The following LMF1 variants were observed in gnomAD, a reference collection of about 807,000 sequenced individuals.
The protein encoded by LMF1 is lipase maturation factor 1.
A neutral mutation model predicts 60.6 loss-of-function variants in LMF1; 68 were observed. The observed-to-expected ratio is 1.12, with a 90% CI of 0.92 to 1.37. LMF1 has a LOEUF of 1.37. Among genes scored for constraint, LMF1 ranks in the 40% most tolerant of loss-of-function variants. The pLI, the probability that LMF1 is intolerant of heterozygous loss-of-function variation, is 0.00. For missense variants in LMF1, 948 were observed against 767.2 expected, an observed-to-expected ratio of 1.24 and a Z score of -2.78; for synonymous variants, 418 against 324.7, an observed-to-expected ratio of 1.29 and a Z score of -3.09.
At chr16:894,983 C>G (rs529312275) in intron 4 of LMF1, among the ~76,000 whole-genome samples, 31 of 152,170 alleles carry the variant, frequency 2.0e-4, no homozygotes, top group Non-Finnish European at 4.3e-4. Context: ...GGGATGGCCA[C>G]GAGGGAGGAA....
At chr16:891,208 G>A (rs1265785203) in intron 5 of LMF1, among the ~76,000 whole-genome samples, 1 of 152,094 alleles carries the variant, frequency 6.6e-6, no homozygotes, top group Non-Finnish European at 1.5e-5. Context: ...CTGCGTCCTC[G>A]CCGGAGTGCA....
intron 4 of LMF1, among the ~76,000 whole-genome samples, chr16:909,215 G>A (rs1002634916): frequency 4.6e-5 from 7 of 152,168 alleles, no homozygotes; most frequent in African/African-American, 7.2e-5. Context: ...AAGGGCTGGC[G>A]CAAGGTGAGA....
At chr16:892,857 G>A (rs1489025148) in intron 5 of LMF1, 150 bp downstream of exon 5, 24 of 605,258 alleles carry the variant, frequency 4.0e-5, no homozygotes, top group African/African-American at 5.6e-5. Flanking sequence ...CACCCACCCC[G>A]TGAAGGGAGG....
At chr16:922,868 G>A (rs542513426) in intron 3 of LMF1, among the ~76,000 whole-genome samples, 2 of 122,060 alleles carry the variant, frequency 1.6e-5, no homozygotes, top group East Asian at 4.6e-4. Context: ...CGGGTGTGAT[G>A]TGGTGTTGGT....
At chr16:889,519 T>C (rs2070415346) in intron 5 of LMF1, among the ~76,000 whole-genome samples, 2 of 152,128 alleles carry the variant, frequency 1.3e-5, no homozygotes, top group African/African-American at 4.8e-5. Flanking sequence ...TGGCTGCCTC[T>C]TGCTCTGTGC....
At chr16:913,319 G>A (rs1033513940) in intron 3 of LMF1, among the ~76,000 whole-genome samples, 3 of 152,230 alleles carry the variant, frequency 2.0e-5, no homozygotes, top group Non-Finnish European at 4.4e-5. Flanking sequence ...AGCTCTTGTG[G>A]GGAACATTCA....
At chr16:980,791 C>G (rs2073332094) in intron 1 of LMF1, 3 of 152,338 alleles carry the variant, frequency 2.0e-5, no homozygotes, top group African/African-American at 7.2e-5. Context: ...CCCACCAGGG[C>G]GGCACACCCC....
chr16:896,592 G>A (rs1336794909), intron 4 of LMF1, among the ~76,000 whole-genome samples: 4 of 152,152 alleles, frequency 2.6e-5, no homozygotes, highest in African/African-American at 7.2e-5. Context: ...CTGACCGGGC[G>A]GAGAAGGCCC....
Position 955,190 on chromosome 16 carries a change from CATCT to C in LMF1, c.194-528_194-525del, listed in dbSNP as rs1368541802. Among the ~76,000 whole-genome samples the C allele has an allele frequency of 1.7e-5, 2 of 119,592 alleles. 1 individual carries two copies. Among genetic ancestry groups the C allele is most frequent in the Non-Finnish European group, 3.3e-5 (2 of 59,794 alleles). 78.5% of individuals were successfully genotyped at this position (119,592 alleles called of 152,430 possible). On this transcript the variant is annotated intron_variant, in intron 1 of 10. Transcript: ENST00000262301. ...CGCAGTGTGTGCATACACACACACACATCTAAGTAAACTAGACAAGTTACATAAA... is the reference window on the plus strand; with the variant it reads ...CGCAGTGTGTGCATACACACACACACAAGTAAACTAGACAAGTTACATAAA...
At chr16:950,769 CAG>C (rs765526358) in intron 2 of LMF1, among the ~76,000 whole-genome samples, 2,371 of 71,430 alleles carry the variant, frequency 0.033, 335 homozygotes, top group African/African-American at 0.041. Context: ...ACGACAGAGT[CAG>C]AGCCAACGAC....
At chr16:895,697 G>A (rs150777812) in intron 4 of LMF1, among the ~76,000 whole-genome samples, 3,639 of 151,812 alleles carry the variant, frequency 0.024, 61 homozygotes, top group South Asian at 0.041. Context: ...GACCGATGCC[G>A]AGAGGGACAC....
chr16:854,643 C>G lies in LMF1; in HGVS notation c.1593G>C (p.Glu531Asp), dbSNP rs190958016. The G allele has an allele frequency of 9.2e-4, 1,479 of 1,606,502 alleles. 9 individuals carry two copies. In the African/African-American group the frequency reaches 0.017, roughly 19 times the overall value. The change falls in exon 11 of 11, where the codon GAG (glutamate) becomes GAC (aspartate). Residue 531 changes from glutamate (E) to aspartate (D), a missense_variant. Transcript: ENST00000262301. ...TCCTCTTCCGCACCCACCACTTGCCCTCGGCGGCGTGCCTGCCCCCAGGAC... is the reference window on the plus strand; with the variant it reads ...TCCTCTTCCGCACCCACCACTTGCCGTCGGCGGCGTGCCTGCCCCCAGGAC... ...FSRPGGRHAA[E>D]GKWWVRKRIG...
chr16:896,343 C>G (rs994092758), intron 4 of LMF1, among the ~76,000 whole-genome samples: 2 of 152,358 alleles, frequency 1.3e-5, no homozygotes, highest in East Asian at 3.9e-4. Flanking sequence ...CCGGCATCGC[C>G]GTCTCTAGGG....
At chr16:895,707 C>G (rs964351773) in intron 4 of LMF1, among the ~76,000 whole-genome samples, 2 of 152,116 alleles carry the variant, frequency 1.3e-5, no homozygotes, top group African/African-American at 4.8e-5. Context: ...GAGAGGGACA[C>G]GAATGAGAAA....
chr16:948,085 GAGAGTCAGCCAACGAC>G (rs1273249055), intron 2 of LMF1, among the ~76,000 whole-genome samples: 1 of 147,672 alleles, frequency 6.8e-6, no homozygotes, highest in Non-Finnish European at 1.5e-5. Context: ...GAGACAACGA[GAGAGTCAGCCAACGAC>G]AGAGTCAGCC....
In LMF1 at chr16:970,881, C is replaced by CCGGCGCGGGCGG. The variant is rs1006995603; in HGVS notation, c.88_99dup (p.Pro30_Pro33dup). 8 of 1,571,680 alleles carry CCGGCGCGGGCGG rather than the reference C, an allele frequency of 5.1e-6. No individual in the cohort carries two copies. In the African/African-American group the frequency reaches 9.7e-5, roughly 19 times the overall value. On this transcript the variant is annotated inframe_insertion, in exon 1 of 11. Coordinates refer to ENST00000262301, the MANE Select transcript of LMF1 (RefSeq NM_022773.4). ...GCCGGAGAGCCTGCGGGGCCACGCCCCGGCGCGGGCGGCGACTCAGGCTCC... is the reference window on the plus strand; with the variant it reads ...GCCGGAGAGCCTGCGGGGCCACGCCCCGGCGCGGGCGGCGGCGCGGGCGGCGACTCAGGCTCC...
Position 943,090 on chromosome 16 carries a change from G to A in LMF1, c.504-8836C>T, listed in dbSNP as rs184920321. On this transcript the variant is annotated intron_variant, in intron 2 of 10. Coordinates refer to ENST00000262301, the MANE Select transcript of LMF1 (RefSeq NM_022773.4). ...CTCTTCTTTAAAGATTCAGAGTCTC[G>A]GCCGGGCACGGTGGCTCACGCCTGT... is the stretch of plus-strand genomic sequence containing the variant. Among the ~76,000 whole-genome samples the A allele has an allele frequency of 5.3e-5, 8 of 152,172 alleles. No homozygotes were observed. The South Asian group carries it at 6.2e-4, about 12-fold the overall frequency.
intron 3 of LMF1, among the ~76,000 whole-genome samples, chr16:921,701 G>A (rs2071435921): frequency 6.6e-6 from 1 of 152,102 alleles, no homozygotes; most frequent in East Asian, 1.9e-4. Context: ...ATTGACACCA[G>A]CCCCACCCTG....
chr16:978,905 C>T (rs532990424), intron 1 of LMF1: 3 of 444,622 alleles, frequency 6.7e-6, no homozygotes, highest in Admixed American at 2.4e-5. Context: ...CCAGGGAACA[C>T]GCTGGCCTCT....
Sources: gnomAD v4.1 joint callset for allele counts (sites outside exome capture counted in the v4.1 genomes callset) on GRCh38, gnomAD v4.1.1 for gene constraint, MANE v1.5 for transcripts, NCBI Gene and HGNC (gene_info 2026-07-23, HGNC 2026-07-21) for gene names.